PEX7: variants seen among roughly 807,000 people sequenced by gnomAD.
PEX7 encodes peroxisomal biogenesis factor 7.
In PEX7, 34 loss-of-function variants were observed where a neutral mutation model predicts 47.5. The ratio of observed to expected loss-of-function variants is 0.72; its 90% CI spans 0.54 to 0.95. The LOEUF is 0.95. Ranked by LOEUF, PEX7 falls within the 40% of genes least tolerant of loss-of-function variation. The pLI, the probability that PEX7 is intolerant of heterozygous loss-of-function variation, is 0.00. For synonymous variants in PEX7, 141 were observed against 148.8 expected (o/e 0.95, Z 0.38); for missense variants, 394 against 400.3 (o/e 0.98, Z 0.13).
chr6:136,913,105 T>A (rs1364944251), intron 9 of PEX7, among the ~76,000 whole-genome samples: 1 of 152,250 alleles, frequency 6.6e-6, no homozygotes, highest in Non-Finnish European at 1.5e-5. Context: ...GAGCACAGCA[T>A]CTTGTTCACA....
At chr6:136,861,994 CTA>C (rs1328955585) in intron 5 of PEX7, among the ~76,000 whole-genome samples, 1 of 138,590 alleles carries the variant, frequency 7.2e-6, no homozygotes, top group Non-Finnish European at 1.6e-5. Context: ...TTCATCAAAG[CTA>C]TATATATATA....
chr6:136,876,584 G>A (rs1028857951), intron 8 of PEX7, among the ~76,000 whole-genome samples: 3 of 152,094 alleles, frequency 2.0e-5, no homozygotes, highest in South Asian at 2.1e-4. Context: ...GTGAGAACAC[G>A]CGGTGTTCGG....
intron 3 of PEX7, among the ~76,000 whole-genome samples, chr6:136,841,033 T>A (rs1774487852): frequency 6.6e-6 from 1 of 152,232 alleles, no homozygotes; most frequent in Non-Finnish European, 1.5e-5. Context: ...TGTTTGCTGC[T>A]GCTAAAATAT....
chr6:136,866,759 C>A, intron 6 of PEX7, 26 bp downstream of exon 6: 1 of 1,547,528 alleles, frequency 6.5e-7, no homozygotes, highest in Non-Finnish European at 8.9e-7. Context: ...CTATCCTATG[C>A]TGCTGTCCTT....
intron 8 of PEX7, among the ~76,000 whole-genome samples, chr6:136,890,524 GTC>G (rs1416735832): frequency 6.6e-6 from 1 of 151,978 alleles, no homozygotes; most frequent in Non-Finnish European, 1.5e-5. Flanking sequence ...GGTCTGCTCT[GTC>G]TCTGTTTTTT....
At chr6:136,869,214 C>T (rs1232715880) in intron 6 of PEX7, among the ~76,000 whole-genome samples, 1 of 151,842 alleles carries the variant, frequency 6.6e-6, no homozygotes, top group African/African-American at 2.4e-5. Flanking sequence ...AGTGAACCAC[C>T]GCACCCAGCC....
chr6:136,838,826 T>C lies in PEX7; in HGVS notation c.340-6789T>C, dbSNP rs537327167. Reference sequence around the variant, plus strand: ...TGTGTAATGGGTGCCTGGGGGTTTATTATACTATTCTCTCTACTTTTATGC... The same window carrying C: ...TGTGTAATGGGTGCCTGGGGGTTTACTATACTATTCTCTCTACTTTTATGC... On this transcript the variant is annotated intron_variant, in intron 3 of 9. Coordinates refer to ENST00000318471, the MANE Select transcript of PEX7 (RefSeq NM_000288.4). Among the ~76,000 whole-genome samples the C allele has an allele frequency of 2.0e-5, 3 of 152,276 alleles. No individual in the cohort carries two copies. In the South Asian group the frequency reaches 6.2e-4, roughly 32 times the overall value.
intron 5 of PEX7, among the ~76,000 whole-genome samples, chr6:136,863,215 AGAAG>A (rs1347851093): frequency 1.3e-5 from 2 of 152,144 alleles, no homozygotes; most frequent in African/African-American, 4.8e-5. Context: ...GTTCTGCCAT[AGAAG>A]AGGGACTGAC....
intron 3 of PEX7, among the ~76,000 whole-genome samples, chr6:136,841,651 C>T (rs1488181977): frequency 6.6e-6 from 1 of 152,164 alleles, no homozygotes; most frequent in African/African-American, 2.4e-5. Context: ...GATCACTGCT[C>T]ACTGCTGTCT....
chr6:136,886,883 C>T (rs1290341626), intron 8 of PEX7, among the ~76,000 whole-genome samples: 1 of 151,960 alleles, frequency 6.6e-6, no homozygotes, highest in Non-Finnish European at 1.5e-5. Context: ...TGAGACCGCA[C>T]CTCTACAAAA....
chr6:136,846,186 A>G lies in PEX7; in HGVS notation c.526+5A>G, dbSNP rs774577609. ...GTTGTTTTGCTTCAGCCTCAGGTAA[A>G]TTATTCTGTATTTACCAAAAGCCTT... On this transcript the variant is annotated splice_donor_5th_base_variant and intron_variant, in intron 5 of 9. Transcript: ENST00000318471. 2.6e-6 allele frequency: 4 copies of G among 1,566,838 alleles called. No individual in the cohort carries two copies. In the South Asian group the frequency reaches 3.3e-5, roughly 13 times the overall value.
At chr6:136,893,857 T>C (rs1356279892) in intron 8 of PEX7, among the ~76,000 whole-genome samples, 1 of 152,210 alleles carries the variant, frequency 6.6e-6, no homozygotes, top group Non-Finnish European at 1.5e-5. Context: ...AACTCATAAG[T>C]TGAGTACAGA....
chr6:136,828,327 G>A (rs1477996858), intron 3 of PEX7, among the ~76,000 whole-genome samples: 1 of 152,136 alleles, frequency 6.6e-6, no homozygotes, highest in African/African-American at 2.4e-5. Flanking sequence ...TACTGTTCTA[G>A]GATATCCTGG....
chr6:136,900,464 C>A lies in PEX7; in HGVS notation c.903+2223C>A. The A allele has an allele frequency of 2.2e-6, 1 of 458,936 alleles. No homozygotes were observed. The highest frequency in any genetic ancestry group is 4.3e-6 in the Non-Finnish European group (1 of 231,034). 28.4% of individuals were successfully genotyped at this position (458,936 alleles called of 1,614,324 possible). A position where few individuals can be genotyped will look rare whatever the true frequency, so the allele number is the denominator to read the frequency against. ...ACAGACTTGGGACCAAGGACATTGC[C>A]CCCCCAGTGACAGCAGATCTCATCG... On this transcript the variant is annotated intron_variant, in intron 9 of 9. Coordinates refer to ENST00000318471, the MANE Select transcript of PEX7 (RefSeq NM_000288.4). The surrounding 1 kb of genome is among the most constrained non-coding windows in gnomAD (Gnocchi z 4.2).
intron 8 of PEX7, among the ~76,000 whole-genome samples, chr6:136,887,002 T>C (rs1413437134): frequency 6.6e-6 from 1 of 152,040 alleles, no homozygotes; most frequent in African/African-American, 2.4e-5. Context: ...GTGAGCCATG[T>C]TTGCAACATT....
chr6:136,894,504 T>G (rs568184772), intron 8 of PEX7, among the ~76,000 whole-genome samples: 29 of 152,140 alleles, frequency 1.9e-4, no homozygotes. Flanking sequence ...GCAGGAGAAT[T>G]GCTTGAACCC....
chr6:136,861,609 C>T (rs1046904989), intron 5 of PEX7, among the ~76,000 whole-genome samples: 14 of 151,900 alleles, frequency 9.2e-5, no homozygotes, highest in Non-Finnish European at 1.2e-4. Flanking sequence ...AGGAGACTGA[C>T]GCTTTAGGAG....
chr6:136,874,489 T>A (rs1775233651), intron 8 of PEX7, among the ~76,000 whole-genome samples: 1 of 151,986 alleles, frequency 6.6e-6, no homozygotes, highest in South Asian at 2.1e-4. Flanking sequence ...CTGGCCAACA[T>A]GGTGAAACCC....
chr6:136,857,813 G>T (rs141016026), intron 5 of PEX7, among the ~76,000 whole-genome samples: 1 of 152,282 alleles, frequency 6.6e-6, no homozygotes, highest in African/African-American at 2.4e-5. Flanking sequence ...CAGAGTAAAA[G>T]CTCTGTGAGC....
Sources: gnomAD v4.1 joint callset for allele counts (sites outside exome capture counted in the v4.1 genomes callset) on GRCh38, gnomAD v4.1.1 for gene constraint, Gnocchi (gnomAD v3.1) non-coding constraint, MANE v1.5 for transcripts, NCBI Gene and HGNC (gene_info 2026-07-23, HGNC 2026-07-21) for gene names.